NME8: variants seen among roughly 807,000 people sequenced by gnomAD.
The protein encoded by NME8 is NME/NM23 family member 8, also known as protein NME8.
A neutral mutation model predicts 82.3 loss-of-function variants in NME8; 72 were observed. That is an observed-to-expected ratio of 0.87 (90% CI 0.72 to 1.06). The LOEUF is 1.06. NME8 is among the 50% of genes least tolerant of loss of function. The pLI is 0.00. For missense variants in NME8, 712 were observed against 685.4 expected (o/e 1.04, Z -0.43); for synonymous variants, 267 against 228.5 (o/e 1.17, Z -1.52).
chr7:37,859,794 C>A (rs568756253), intron 6 of NME8, among the ~76,000 whole-genome samples: 69 of 152,280 alleles, frequency 4.5e-4, no homozygotes, highest in Non-Finnish European at 8.7e-4. Flanking sequence ...CCTTTCAATT[C>A]TTGACCTCCT....
intron 15 of NME8, 34 bp from the exon 16 acceptor site, chr7:37,894,432 A>G (rs971432433): frequency 6.2e-6 from 10 of 1,603,586 alleles, no homozygotes; most frequent in African/African-American, 1.3e-5. Flanking sequence ...AAGTGAAGCA[A>G]TCTGCAATAT....
intron 2 of NME8, among the ~76,000 whole-genome samples, chr7:37,849,688 T>C (rs947653884): frequency 4.0e-5 from 6 of 151,824 alleles, no homozygotes; most frequent in Non-Finnish European, 1.5e-5. Context: ...GTTAACACGG[T>C]GAAATTCTGT....
intron 7 of NME8, among the ~76,000 whole-genome samples, chr7:37,862,507 T>A (rs767545071): frequency 3.3e-5 from 5 of 152,164 alleles, no homozygotes; most frequent in Non-Finnish European, 7.4e-5. Context: ...TTTTTTTTTG[T>A]TTTTAAATTG....
intron 12 of NME8, among the ~76,000 whole-genome samples, chr7:37,882,885 A>C (rs546125001): frequency 6.6e-6 from 1 of 152,176 alleles, no homozygotes; most frequent in African/African-American, 2.4e-5. Context: ...AGCAAAATAA[A>C]ATATTTATTA....
chr7:37,896,287 G>A (rs1173565261), intron 16 of NME8, among the ~76,000 whole-genome samples: 1 of 152,220 alleles, frequency 6.6e-6, no homozygotes, highest in Non-Finnish European at 1.5e-5. Flanking sequence ...GAAGCTGGAA[G>A]TTTCTTGTTC....
At chr7:37,887,782 G>T (rs374182030) in intron 14 of NME8, among the ~76,000 whole-genome samples, 1 of 152,284 alleles carries the variant, frequency 6.6e-6, no homozygotes, top group East Asian at 1.9e-4. Context: ...ATGGCAGAAG[G>T]TACCTCTTCA....
At chr7:37,854,073 A>G (rs1784475633) in intron 5 of NME8, among the ~76,000 whole-genome samples, 2 of 107,520 alleles carry the variant, frequency 1.9e-5, no homozygotes, top group South Asian at 7.3e-4. Flanking sequence ...TAAAAAATTC[A>G]TATATGACTT....
At chr7:37,889,644 T>C (rs916046201) in intron 15 of NME8, among the ~76,000 whole-genome samples, 1 of 151,924 alleles carries the variant, frequency 6.6e-6, no homozygotes, top group African/African-American at 2.4e-5. Context: ...AACAAATAAA[T>C]TATTTTTAAA....
intron 12 of NME8, 95 bp from the exon 13 acceptor site, chr7:37,884,208 G>A: frequency 2.3e-6 from 2 of 879,382 alleles, no homozygotes; most frequent in Non-Finnish European, 3.7e-6. Flanking sequence ...TGAGAATAAA[G>A]TGCATTGTAT....
chr7:37,869,906 A>G (rs1784742888), intron 11 of NME8, among the ~76,000 whole-genome samples: 1 of 152,138 alleles, frequency 6.6e-6, no homozygotes, highest in South Asian at 2.1e-4. Flanking sequence ...AGTCTCTCTC[A>G]AAGCACAGGA....
intron 11 of NME8, among the ~76,000 whole-genome samples, chr7:37,876,231 T>TATATAGATAGAA (rs1347771807): frequency 1.3e-5 from 1 of 77,410 alleles, no homozygotes; most frequent in East Asian, 4.1e-4. Flanking sequence ...TATATATATA[T>TATATAGATAGAA]AGATAGATAG....
At chr7:37,882,563 GAAAGAAAGAA>G (rs1345443516) in intron 12 of NME8, among the ~76,000 whole-genome samples, 1 of 26,500 alleles carries the variant, frequency 3.8e-5, no homozygotes, top group Non-Finnish European at 8.5e-5. Context: ...AAGAAAGAAA[GAAAGAAAGAA>G]AGAAAGAAAG....
chr7:37,894,862 T>C (rs1196480717), intron 16 of NME8, among the ~76,000 whole-genome samples: 1 of 150,770 alleles, frequency 6.6e-6, no homozygotes, highest in African/African-American at 2.4e-5. Context: ...CTTTCTCCCT[T>C]TCCTTCCCTT....
Position 37,867,869 on chromosome 7 carries a change from A to C in NME8, c.789A>C (p.Thr263=), listed in dbSNP as rs1209030705. The change falls in exon 11 of 18, where the codon ACA becomes ACC. Residue 263 remains threonine (T), a synonymous_variant. Coordinates refer to ENST00000199447, the MANE Select transcript of NME8 (RefSeq NM_016616.5). ...EDQPEVEAQV[T]PGMMKNKQDS... is the part of the protein sequence containing the mutation. ...AACCTGAGGTCGAAGCCCAGGTTAC[A>C]CCTGGAATGATGAAGAACAAACAAG... 1 of 1,613,820 alleles carries C rather than the reference A, an allele frequency of 6.2e-7. No individual in the cohort carries two copies.
chr7:37,850,607 C>T (rs1158129628), intron 4 of NME8, 22 bp from the exon 5 acceptor site: 1 of 1,569,322 alleles, frequency 6.4e-7, no homozygotes, highest in Non-Finnish European at 8.8e-7. Context: ...TTTGTTATTT[C>T]ATAAATATCA....
rs1060502528 is a variant in NME8, at chr7:37,877,013, G to C, written c.994+6G>C. On this transcript the variant is annotated splice_donor_region_variant and intron_variant, in intron 12 of 17. Coordinates refer to ENST00000199447, the MANE Select transcript of NME8 (RefSeq NM_016616.5). The stretch of plus-strand genomic sequence containing the variant: ...TCTCTTTCATGAAAGGAAAGGTAGG[G>C]AATCAAGCATAAATTGTTTAAGTAT... 4.4e-6 allele frequency: 7 copies of C among 1,607,634 alleles called. No homozygotes were observed. The highest frequency in any genetic ancestry group is 6.0e-6 in the Non-Finnish European group (7 of 1,174,738).
At chr7:37,890,097 G>C (rs563216252) in intron 15 of NME8, among the ~76,000 whole-genome samples, 173 of 151,922 alleles carry the variant, frequency 1.1e-3, no homozygotes, top group African/African-American at 4.1e-3. Context: ...TTTGCTATCA[G>C]GACCACACAC....
chr7:37,863,023 G>A (rs1341708503), intron 7 of NME8, among the ~76,000 whole-genome samples: 1 of 152,008 alleles, frequency 6.6e-6, no homozygotes, highest in Non-Finnish European at 1.5e-5. Flanking sequence ...GGGAGACTGA[G>A]GCAGGAGAAT....
At chr7:37,882,625 AAG>A (rs879347438) in intron 12 of NME8, among the ~76,000 whole-genome samples, 2,158 of 133,732 alleles carry the variant, frequency 0.016, 56 homozygotes, top group East Asian at 0.052. Context: ...GAAAGAAAGA[AAG>A]AAAGAAAGAA....
Sources: gnomAD v4.1 joint callset for allele counts (sites outside exome capture counted in the v4.1 genomes callset) on GRCh38, gnomAD v4.1.1 for gene constraint, MANE v1.5 for transcripts, NCBI Gene and HGNC (gene_info 2026-07-23, HGNC 2026-07-21) for gene names.